Variants in CIT observed in about 807,000 individuals in gnomAD.
CIT encodes citron Rho-interacting kinase.
A neutral mutation model predicts 272.7 loss-of-function variants in CIT; 79 were observed. The observed-to-expected ratio is 0.29, with a 90% CI of 0.24 to 0.35. CIT has a LOEUF of 0.35. CIT is among the 10% of genes least tolerant of loss of function. The pLI is 1.00. For synonymous variants in CIT, 948 were observed against 995.6 expected (o/e 0.95, Z 0.90); for missense variants, 1,909 against 2,618.3 (o/e 0.73, Z 5.91).
At chr12:119,740,325 C>T (rs891385131) in intron 24 of CIT, among the ~76,000 whole-genome samples, 1 of 151,978 alleles carries the variant, frequency 6.6e-6, no homozygotes, top group African/African-American at 2.4e-5. Flanking sequence ...AAATGGGGGA[C>T]AAGATGAATT....
intron 7 of CIT, among the ~76,000 whole-genome samples, chr12:119,831,123 G>C (rs1410790179): frequency 1.3e-5 from 2 of 152,154 alleles, no homozygotes; most frequent in African/African-American, 4.8e-5. Flanking sequence ...CTCCAAACGT[G>C]CTGGGATTAC....
intron 20 of CIT, 101 bp from the exon 21 acceptor site, chr12:119,758,801 G>C: frequency 1.3e-6 from 1 of 791,654 alleles, no homozygotes; most frequent in East Asian, 2.5e-5. Flanking sequence ...CGGCAATTTG[G>C]CTAGAGGTAA....
rs1957687241 is a variant in CIT at position 119,718,916 on chromosome 12, A to T, written c.3841-55T>A. 2 of 1,573,370 alleles carry T rather than the reference A, an allele frequency of 1.3e-6. No homozygotes were observed. The highest frequency in any genetic ancestry group is 2.7e-5 in the African/African-American group (2 of 73,890). On this transcript the variant is annotated intron_variant, in intron 30 of 47. Transcript: ENST00000392521. This position sits in a 1 kb window ranked among gnomAD's most constrained non-coding sequence, Gnocchi z 4.8. ...CTCCTGGAAACTGGCACTTGAAACT[A>T]GCTAAAGGAAATCTGACTCGGGAGG... is the stretch of plus-strand genomic sequence containing the variant.
intron 3 of CIT, among the ~76,000 whole-genome samples, chr12:119,861,656 G>T (rs1950342336): frequency 6.6e-6 from 1 of 152,068 alleles, no homozygotes; most frequent in South Asian, 2.1e-4. Context: ...TAATCATCTG[G>T]ACCCAAGAGC....
intron 19 of CIT, among the ~76,000 whole-genome samples, chr12:119,765,346 A>G (rs1032402020): frequency 5.5e-5 from 8 of 144,772 alleles, no homozygotes; most frequent in African/African-American, 2.1e-4. Flanking sequence ...GAGCAAGACC[A>G]TGTCTCTAAA....
rs1956576104 is a variant in CIT, at chr12:119,701,517, A to C, written c.5542+107T>G. On this transcript the variant is annotated intron_variant, in intron 43 of 47. Coordinates refer to ENST00000392521, the MANE Select transcript of CIT (RefSeq NM_001206999.2). ...CTGGAAGGACATTCTCTGTACCCCT[A>C]GTCAAACCTATCCTGCCCCAGAGCT... The C allele has an allele frequency of 1.2e-5, 15 of 1,288,272 alleles. No homozygotes were observed. In the South Asian group the frequency reaches 2.1e-4, roughly 18 times the overall value. 79.8% of individuals were successfully genotyped at this position (1,288,272 alleles called of 1,614,324 possible). A position where few individuals can be genotyped will look rare whatever the true frequency, so the allele number is the denominator to read the frequency against.
chr12:119,832,987 T>C lies in CIT; in HGVS notation c.660-123A>G, dbSNP rs144915115. 22 of 593,606 alleles carry C rather than the reference T, an allele frequency of 3.7e-5. No individual in the cohort carries two copies. In the East Asian group the frequency reaches 4.3e-4, roughly 12 times the overall value. The allele number at this position is 593,606 out of a possible 1,614,324, so 36.8% of individuals were successfully genotyped here. A position where few individuals can be genotyped will look rare whatever the true frequency, so the allele number is the denominator to read the frequency against. Reference sequence around the variant, plus strand: ...TATTCTGTTATATAGACCTCCTCTATTGGTGGATATAAATTATTAGCATAC... The same window carrying C: ...TATTCTGTTATATAGACCTCCTCTACTGGTGGATATAAATTATTAGCATAC... On this transcript the variant is annotated intron_variant, in intron 6 of 47. Coordinates refer to ENST00000392521, the MANE Select transcript of CIT (RefSeq NM_001206999.2).
chr12:119,827,425 C>G (rs1487008988), intron 7 of CIT, among the ~76,000 whole-genome samples: 3 of 137,208 alleles, frequency 2.2e-5, no homozygotes, highest in Non-Finnish European at 4.6e-5. Context: ...TTAAAATGCA[C>G]CAACAATAAC....
At chr12:119,812,485 G>A (rs904951332) in intron 9 of CIT, among the ~76,000 whole-genome samples, 1 of 151,990 alleles carries the variant, frequency 6.6e-6, no homozygotes, top group Middle Eastern at 3.4e-3. Flanking sequence ...TGATGCCCAG[G>A]AGGGAGTGCA....
At chr12:119,803,138 C>CCCCCCCCCCT in intron 10 of CIT, 68 bp downstream of exon 10, 1 of 526,626 alleles carries the variant, frequency 1.9e-6, no homozygotes, top group Non-Finnish European at 2.9e-6. Context: ...CACCCCCCCA[C>CCCCCCCCCCT]CACCACCTTT....
At chr12:119,870,674 C>G (rs1411389853) in intron 2 of CIT, among the ~76,000 whole-genome samples, 1 of 151,952 alleles carries the variant, frequency 6.6e-6, no homozygotes, top group Non-Finnish European at 1.5e-5. Context: ...CCAAATCCAG[C>G]CCACGGACTT....
At chr12:119,857,309 A>T (rs1054748337) in intron 4 of CIT, among the ~76,000 whole-genome samples, 1 of 152,252 alleles carries the variant, frequency 6.6e-6, no homozygotes, top group Non-Finnish European at 1.5e-5. Flanking sequence ...AACATGATAC[A>T]TCAAGAGGAA....
chr12:119,711,166 G>T, intron 37 of CIT: 3 of 1,232,446 alleles, frequency 2.4e-6, no homozygotes, highest in Non-Finnish European at 2.2e-6. Context: ...ATCCAAACAG[G>T]TCTAACCACT....
intron 22 of CIT, among the ~76,000 whole-genome samples, chr12:119,756,393 G>A (rs1317387147): frequency 6.6e-6 from 1 of 152,156 alleles, no homozygotes. Context: ...AAGTTTTCTG[G>A]GTTTTAAGTA....
intron 47 of CIT, among the ~76,000 whole-genome samples, chr12:119,688,942 C>T (rs997362519): frequency 8.9e-5 from 13 of 145,418 alleles, no homozygotes; most frequent in Admixed American, 6.0e-4. Context: ...GGGAGGATTG[C>T]TTGAGCCCAG....
chr12:119,730,351 A>T, intron 27 of CIT, 144 bp downstream of exon 27: 7 of 1,005,126 alleles, frequency 7.0e-6, no homozygotes, highest in Non-Finnish European at 9.6e-6. Context: ...TGGTAAGGCA[A>T]AACCATGGGA....
At position 119,806,730 on chromosome 12, in the gene CIT, T is replaced by C. The variant is rs1301157509; in HGVS notation, c.1112-3341A>G. On this transcript the variant is annotated intron_variant, in intron 9 of 47. Coordinates refer to ENST00000392521, the MANE Select transcript of CIT (RefSeq NM_001206999.2). The stretch of plus-strand genomic sequence containing the variant: ...CGGGTGCAACAACAGATACAAGAAA[T>C]GGGAGAATTAGCCCTCCAAAAACTG... 2.7e-5 allele frequency among the ~76,000 whole-genome samples: 4 copies of C among 146,144 alleles called. No individual in the cohort carries two copies. The East Asian group carries it at 8.1e-4, about 30-fold the overall frequency.
At chr12:119,864,523 G>C (rs907268580) in intron 3 of CIT, among the ~76,000 whole-genome samples, 29 of 152,256 alleles carry the variant, frequency 1.9e-4, no homozygotes, top group African/African-American at 7.0e-4. Flanking sequence ...TTTTTGTATA[G>C]ACAGGGTTTC....
At chr12:119,805,296 A>G (rs893689775) in intron 9 of CIT, among the ~76,000 whole-genome samples, 8 of 152,228 alleles carry the variant, frequency 5.3e-5, no homozygotes, top group African/African-American at 1.9e-4. Flanking sequence ...TGGGTAAGTC[A>G]CTTAACCTCT....
Sources: allele counts gnomAD v4.1 joint callset (sites outside exome capture counted in the v4.1 genomes callset), GRCh38; gene constraint gnomAD v4.1.1; non-coding constraint Gnocchi (gnomAD v3.1); transcripts MANE v1.5; gene names NCBI Gene and HGNC (gene_info 2026-07-23, HGNC 2026-07-21).